Variants in PTBP1 observed in about 807,000 individuals in gnomAD.
PTBP1 encodes polypyrimidine tract binding protein 1.
A neutral mutation model predicts 59.8 loss-of-function variants in PTBP1; 8 were observed. The observed-to-expected ratio is 0.13, with a 90% CI of 0.08 to 0.24. The LOEUF (loss-of-function observed/expected upper bound fraction) is 0.24. PTBP1 is among the 10% of genes least tolerant of loss of function. PTBP1 has a pLI of 1.00. For synonymous variants in PTBP1, 490 were observed against 320.7 expected (o/e 1.53, Z -5.64); for missense variants, 686 against 767.0 (o/e 0.89, Z 1.25).
rs370592913 is a variant in PTBP1 at position 804,505 on chromosome 19, G to A, written c.436-27G>A. On this transcript the variant is annotated intron_variant, in intron 5 of 14. Transcript: ENST00000356948. ...GGGGGTGGGCCCAGCCGCAGGGGCC[G>A]GGGACTCACGGCTGTGCCTCCCACA... 9.8e-5 allele frequency: 156 copies of A among 1,594,126 alleles called. 2 individuals are homozygous for A. The South Asian group carries it at 1.1e-3, about 11-fold the overall frequency.
At chr19:800,982 G>A (rs980213182) in intron 2 of PTBP1, among the ~76,000 whole-genome samples, 17 of 152,256 alleles carry the variant, frequency 1.1e-4, no homozygotes, top group Admixed American at 7.2e-4. Flanking sequence ...CTGGTAGGAG[G>A]ACGGGGTAGT....
At position 806,553 on chromosome 19, in the gene PTBP1, A is replaced by G. The variant is rs1432633438; in HGVS notation, c.1116A>G (p.Pro372=). The part of the protein sequence containing the change: ...NSVLLVSNLN[P]ERVTPQSLFI... ...TATTGCTGGTCAGCAACCTCAACCCAGAGGTACGTGGGCTTTTCCTCCGCG... is the reference window on the plus strand; with the variant it reads ...TATTGCTGGTCAGCAACCTCAACCCGGAGGTACGTGGGCTTTTCCTCCGCG... Residue 372 remains proline, a synonymous_variant, in exon 10 of 15, where the codon CCA becomes CCG. Transcript: ENST00000356948. 3.3e-6 allele frequency: 5 copies of G among 1,514,148 alleles called. No homozygotes were observed. Among genetic ancestry groups the G allele is most frequent in the African/African-American group, 1.5e-5 (1 of 68,800 alleles). 93.8% of individuals were successfully genotyped at this position (1,514,148 alleles called of 1,614,324 possible).
chr19:804,576 G>A lies in PTBP1; in HGVS notation c.480G>A (p.Gly160=). Residue 160 remains glycine (G), a synonymous_variant, in exon 6 of 15, where the codon GGG becomes GGA. Transcript: ENST00000356948. The part of the protein sequence containing the change: ...ALQAVNSVQS[G]NLALAASAAA... ...AGGCGGTGAACTCGGTCCAGTCGGGGAACCTGGCCTTGGCTGCCTCGGCGG... is the reference window on the plus strand; with the variant it reads ...AGGCGGTGAACTCGGTCCAGTCGGGAAACCTGGCCTTGGCTGCCTCGGCGG... 1 of 1,610,214 alleles carries A rather than the reference G, an allele frequency of 6.2e-7. No individual in the cohort carries two copies. The highest frequency in any genetic ancestry group is 1.1e-5 in the South Asian group (1 of 90,986).
chr19:805,708 C>G, intron 9 of PTBP1, 139 bp downstream of exon 9: 2 of 743,492 alleles, frequency 2.7e-6, no homozygotes, highest in Non-Finnish European at 4.7e-6. Flanking sequence ...GGAGAGGGGA[C>G]GCCACGTCCA....
Position 808,783 on chromosome 19 carries a change from C to T in PTBP1, c.1463+21C>T, listed in dbSNP as rs2034704073. 6.5e-7 allele frequency: 1 copy of T among 1,533,704 alleles called. No homozygotes were observed. The highest frequency in any genetic ancestry group is 8.9e-7 in the Non-Finnish European group (1 of 1,118,210). The stretch of plus-strand genomic sequence containing the variant: ...ATCCCGTGAGTGCTGGGCCGGGGGG[C>T]TCATGGGGCCGGGGGCGGGCAAGGG... On this transcript the variant is annotated intron_variant, in intron 13 of 14. Coordinates refer to ENST00000356948, the MANE Select transcript of PTBP1 (RefSeq NM_002819.5). The surrounding 1 kb of genome is among the most constrained non-coding windows in gnomAD (Gnocchi z 4.7).
At chr19:805,983 G>A (rs1269425930) in intron 9 of PTBP1, 2 of 256,300 alleles carry the variant, frequency 7.8e-6, no homozygotes, top group African/African-American at 4.6e-5. Context: ...TCCCTTCTGG[G>A]ACCGGGGCCC....
At chr19:805,643 C>T (rs766198457) in intron 9 of PTBP1, 74 bp downstream of exon 9, 21 of 1,313,386 alleles carry the variant, frequency 1.6e-5, no homozygotes, top group South Asian at 3.6e-5. Flanking sequence ...TCCGCATCCA[C>T]GGCGGCAGCC....
intron 10 of PTBP1, 123 bp from the exon 11 acceptor site, chr19:807,746 T>A: frequency 1.4e-6 from 1 of 722,530 alleles, no homozygotes; most frequent in Non-Finnish European, 2.4e-6. Context: ...GACAACTTCA[T>A]CATCCATCAA....
At position 799,395 on chromosome 19, in the gene PTBP1, C is replaced by T. The variant is rs375893631; in HGVS notation, c.9-18C>T. ...GTGGCCACCAGGCTAACGTTGTCTC[C>T]TTTCTTTCTCTCTACAGCATTGTCC... On this transcript the variant is annotated intron_variant, in intron 1 of 14. Transcript: ENST00000356948. 76 of 1,613,522 alleles carry T rather than the reference C, an allele frequency of 4.7e-5. No individual in the cohort carries two copies. The highest frequency in any genetic ancestry group is 6.7e-5 in the Admixed American group (4 of 60,000).
In PTBP1 at chr19:810,436, C is replaced by T. The variant is rs545685288; in HGVS notation, c.1464-107C>T. The T allele has an allele frequency of 2.8e-5, 25 of 894,408 alleles. 1 individual carries two copies. The highest frequency in any genetic ancestry group is 2.9e-4 in the Middle Eastern group (1 of 3,444). The allele number at this position is 894,408 out of a possible 1,614,324, so 55.4% of individuals were successfully genotyped here. On this transcript the variant is annotated intron_variant, in intron 13 of 14. Coordinates refer to ENST00000356948, the MANE Select transcript of PTBP1 (RefSeq NM_002819.5). ...ATTTCTGGGCTCCTAAAAGGCCCTA[C>T]GCCTTCCCCGGCTACTCTGAAAACT...
chr19:811,897 C>G lies in PTBP1; in HGVS notation c.*1071C>G, dbSNP rs1224293692. On this transcript the variant is annotated 3_prime_UTR_variant, in exon 15 of 15. Coordinates refer to ENST00000356948, the MANE Select transcript of PTBP1 (RefSeq NM_002819.5). The stretch of plus-strand genomic sequence containing the variant: ...TTCTGTGTTTTGCCTGCCTCTGATG[C>G]TGGGACCCGGAAGGCGGGCGCTCCT... 2.7e-5 allele frequency: 4 copies of G among 149,178 alleles called. No individual in the cohort carries two copies. Among genetic ancestry groups the G allele is most frequent in the African/African-American group, 9.8e-5 (4 of 40,668 alleles). The allele number at this position is 149,178 out of a possible 1,614,324, so 9.2% of individuals were successfully genotyped here.
intron 2 of PTBP1, among the ~76,000 whole-genome samples, chr19:800,204 G>A (rs1208944691): frequency 1.3e-5 from 2 of 151,880 alleles, no homozygotes; most frequent in Admixed American, 1.3e-4. Flanking sequence ...ACAGTGCTGG[G>A]ATTACAGTTG....
chr19:797,990 C>A (rs1352942964), intron 1 of PTBP1, among the ~76,000 whole-genome samples: 1 of 150,232 alleles, frequency 6.7e-6, no homozygotes, highest in Non-Finnish European at 1.5e-5. Flanking sequence ...CCGGACTCTG[C>A]CCCCGGCGCA....
In PTBP1 at chr19:804,128, G is replaced by A. The variant is rs575726131; in HGVS notation, c.208G>A (p.Val70Ile). The A allele has an allele frequency of 1.1e-5, 17 of 1,613,898 alleles. No homozygotes were observed. Among genetic ancestry groups the A allele is most frequent in the South Asian group, 3.3e-5 (3 of 91,072 alleles). ...CCACATCCGGAAGCTCCCCATCGAC[G>A]TCACGGAGGGGGAAGTCATCTCCCT... ...VIHIRKLPID[V>I]TEGEVISLGL... The change falls in exon 4 of 15, where the codon GTC (valine) becomes ATC (isoleucine). Residue 70 changes from valine (V) to isoleucine (I), a missense_variant. Transcript: ENST00000356948.
chr19:805,353 C>T (rs899131233), intron 8 of PTBP1, 139 bp from the exon 9 acceptor site: 9 of 1,151,312 alleles, frequency 7.8e-6, no homozygotes, highest in South Asian at 7.1e-5. Flanking sequence ...GGGACCACGG[C>T]CCCCCCTGGA....
At position 804,558 on chromosome 19, in the gene PTBP1, G is replaced by T; in HGVS notation, c.462G>T (p.Val154=). ...QARAQAALQA[V]NSVQSGNLAL... ...GGGCCCAGGCGGCCCTGCAGGCGGT[G>T]AACTCGGTCCAGTCGGGGAACCTGG... The change falls in exon 6 of 15, where the codon GTG becomes GTT. Residue 154 remains valine, a synonymous_variant. Coordinates refer to ENST00000356948, the MANE Select transcript of PTBP1 (RefSeq NM_002819.5). 1 of 1,607,214 alleles carries T rather than the reference G, an allele frequency of 6.2e-7. No homozygotes were observed. Among genetic ancestry groups the T allele is most frequent in the Non-Finnish European group, 8.5e-7 (1 of 1,178,448 alleles).
In PTBP1 at chr19:808,793, CG is replaced by C; in HGVS notation, c.1463+36del. 4 of 1,583,190 alleles carry C rather than the reference CG, an allele frequency of 2.5e-6. No individual in the cohort carries two copies. Among genetic ancestry groups the C allele is most frequent in the Admixed American group, 1.8e-5 (1 of 56,832 alleles). On this transcript the variant is annotated intron_variant, in intron 13 of 14. Coordinates refer to ENST00000356948, the MANE Select transcript of PTBP1 (RefSeq NM_002819.5). The surrounding 1 kb of genome is among the most constrained non-coding windows in gnomAD (Gnocchi z 4.7). ...TGCTGGGCCGGGGGGCTCATGGGGC[CG>C]GGGGCGGGCAAGGGCTCTGCTTGGC... is the stretch of plus-strand genomic sequence containing the variant.
In PTBP1 at chr19:808,312, G is replaced by A. The variant is rs773166408; in HGVS notation, c.1154-48G>A. 1.1e-5 allele frequency: 16 copies of A among 1,460,666 alleles called. No homozygotes were observed. Among genetic ancestry groups the A allele is most frequent in the Admixed American group, 1.9e-5 (1 of 51,702 alleles). The allele number at this position is 1,460,666 out of a possible 1,614,324, so 90.5% of individuals were successfully genotyped here. A position where few individuals can be genotyped will look rare whatever the true frequency, so the allele number is the denominator to read the frequency against. ...GGGGCCGGGGCTGACGGGGAGATGGGCGGGGCAGGCAGCAGGAGACTCAGG... is the reference window on the plus strand; with the variant it reads ...GGGGCCGGGGCTGACGGGGAGATGGACGGGGCAGGCAGCAGGAGACTCAGG... On this transcript the variant is annotated intron_variant, in intron 11 of 14. Transcript: ENST00000356948. The surrounding 1 kb of genome is among the most constrained non-coding windows in gnomAD (Gnocchi z 4.7).
At position 810,787 on chromosome 19, in the gene PTBP1, C is replaced by A; in HGVS notation, c.1635C>A (p.Asn545Lys). The A allele has an allele frequency of 6.3e-7, 1 of 1,599,118 alleles. No homozygotes were observed. The highest frequency in any genetic ancestry group is 1.1e-5 in the South Asian group (1 of 88,422). Residue 545 changes from asparagine (N) to lysine (K), a missense_variant, in exon 15 of 15, where the codon AAC becomes AAA. Coordinates refer to ENST00000356948, the MANE Select transcript of PTBP1 (RefSeq NM_002819.5). ...IDLHNHDLGE[N>K]HHLRVSFSKS... is the part of the protein sequence containing the mutation. ...TGCACAACCACGACCTCGGGGAGAA[C>A]CACCACCTGCGGGTCTCCTTCTCCA... is the stretch of plus-strand genomic sequence containing the variant.
Sources: gnomAD v4.1 joint callset for allele counts (sites outside exome capture counted in the v4.1 genomes callset) on GRCh38, gnomAD v4.1.1 for gene constraint, Gnocchi (gnomAD v3.1) non-coding constraint, MANE v1.5 for transcripts, NCBI Gene and HGNC (gene_info 2026-07-23, HGNC 2026-07-21) for gene names.